The following GDPD5 variants were observed in gnomAD, a reference collection of about 807,000 sequenced individuals.
GDPD5 encodes the protein glycerophosphodiester phosphodiesterase domain containing 5, also known as glycerophosphodiester phosphodiesterase 2.
Under a neutral mutation model 75.1 loss-of-function variants are expected in GDPD5, and 48 were observed. The ratio of observed to expected loss-of-function variants is 0.64; its 90% CI spans 0.51 to 0.81. The LOEUF is 0.81. Ranked by LOEUF, GDPD5 falls within the 40% of genes least tolerant of loss-of-function variation. The pLI is 0.00. For synonymous variants in GDPD5, 336 were observed against 339.0 expected (o/e 0.99, Z 0.10); for missense variants, 706 against 822.6 (o/e 0.86, Z 1.73).
intron 6 of GDPD5, among the ~76,000 whole-genome samples, chr11:75,453,616 T>TAAAA (rs59758693): frequency 7.3e-6 from 1 of 136,926 alleles, no homozygotes; most frequent in African/African-American, 2.7e-5. Flanking sequence ...AGACTGTCTC[T>TAAAA]AAAAAAAAAA....
chr11:75,475,019 G>GCA (rs1311998998), intron 3 of GDPD5, among the ~76,000 whole-genome samples: 1 of 152,196 alleles, frequency 6.6e-6, no homozygotes, highest in Non-Finnish European at 1.5e-5. Flanking sequence ...TGTAAAATGG[G>GCA]CACACAATTA....
At chr11:75,440,480 C>T (rs893539459) in intron 14 of GDPD5, among the ~76,000 whole-genome samples, 21 of 152,224 alleles carry the variant, frequency 1.4e-4, no homozygotes, top group Admixed American at 1.2e-3. Flanking sequence ...AGTGGAGCCA[C>T]CACCTATCTG....
At chr11:75,451,655 C>CG (rs996942037) in intron 6 of GDPD5, 12 of 152,250 alleles carry the variant, frequency 7.9e-5, no homozygotes, top group African/African-American at 2.7e-4. Context: ...GCAGCTCCCC[C>CG]TTGTGGCCAT....
intron 9 of GDPD5, 44 bp from the exon 10 acceptor site, chr11:75,444,539 A>G: frequency 7.1e-7 from 1 of 1,415,868 alleles, no homozygotes; most frequent in South Asian, 1.1e-5. Context: ...GATTCAGCTG[A>G]TGTACCCTCC....
chr11:75,471,170 G>A (rs921441780), intron 3 of GDPD5, among the ~76,000 whole-genome samples: 11 of 152,228 alleles, frequency 7.2e-5, no homozygotes, highest in African/African-American at 1.9e-4. Flanking sequence ...ACTGATGCAC[G>A]GGAAAGCCTG....
At chr11:75,496,779 CTT>C (rs544914858) in intron 1 of GDPD5, among the ~76,000 whole-genome samples, 1 of 103,110 alleles carries the variant, frequency 9.7e-6, no homozygotes, top group Non-Finnish European at 1.8e-5. Flanking sequence ...TTCTTTCTTT[CTT>C]TTTTTTTTTT....
intron 1 of GDPD5, among the ~76,000 whole-genome samples, chr11:75,494,568 T>C (rs72989904): frequency 0.025 from 3,842 of 152,346 alleles, 79 homozygotes; most frequent in African/African-American, 0.044. Context: ...TCACTAATTA[T>C]ATTGTTATAA....
At chr11:75,462,745 G>A in intron 4 of GDPD5, 41 bp downstream of exon 4, 1 of 1,497,788 alleles carries the variant, frequency 6.7e-7, no homozygotes, top group Non-Finnish European at 9.2e-7. Context: ...TGGATACCCA[G>A]CTCTGGGCCC....
intron 3 of GDPD5, among the ~76,000 whole-genome samples, chr11:75,473,026 G>C (rs1949702625): frequency 6.6e-6 from 1 of 152,030 alleles, no homozygotes; most frequent in African/African-American, 2.4e-5. Flanking sequence ...TCCAAGCAGA[G>C]GGAATGGCAG....
intron 1 of GDPD5, among the ~76,000 whole-genome samples, chr11:75,512,869 A>G (rs1247638719): frequency 6.6e-6 from 1 of 152,226 alleles, no homozygotes; most frequent in Non-Finnish European, 1.5e-5. Context: ...CTGGGCAACA[A>G]GAGCGAAACT....
At chr11:75,446,491 AC>A (rs1948990776) in intron 9 of GDPD5, among the ~76,000 whole-genome samples, 2 of 152,312 alleles carry the variant, frequency 1.3e-5, no homozygotes, top group East Asian at 3.9e-4. Context: ...TGGGTGGGAC[AC>A]TATGGTTAAG....
In GDPD5 at chr11:75,525,395, A is replaced by C. The variant is rs1412417377; in HGVS notation, c.-330T>G. ...CCCTCACCGAGCGCACGACCCGGCC[A>C]GGGCTTCCCGGGCGCTCGCGCTGTT... On this transcript the variant is annotated 5_prime_UTR_variant, in exon 1 of 17. Coordinates refer to ENST00000336898, the MANE Select transcript of GDPD5 (RefSeq NM_030792.8). The C allele has an allele frequency of 6.6e-6, 1 of 152,208 alleles. No homozygotes were observed. The highest frequency in any genetic ancestry group is 6.5e-5 in the Admixed American group (1 of 15,290). The allele number at this position is 152,208 out of a possible 1,614,324, so 9.4% of individuals were successfully genotyped here.
At chr11:75,518,041 G>A (rs899156623) in intron 1 of GDPD5, among the ~76,000 whole-genome samples, 4 of 152,230 alleles carry the variant, frequency 2.6e-5, no homozygotes, top group African/African-American at 9.6e-5. Flanking sequence ...CCCGGGCTGG[G>A]TGTTGATCCC....
chr11:75,474,700 G>C (rs761570917), intron 3 of GDPD5, among the ~76,000 whole-genome samples: 7 of 152,106 alleles, frequency 4.6e-5, no homozygotes, highest in Non-Finnish European at 1.0e-4. Flanking sequence ...AGAGGAAGGG[G>C]CCCTTCCCAG....
intron 3 of GDPD5, among the ~76,000 whole-genome samples, chr11:75,471,548 C>T (rs1949664293): frequency 6.6e-6 from 1 of 152,180 alleles, no homozygotes; most frequent in Non-Finnish European, 1.5e-5. Flanking sequence ...GCATCAGCCC[C>T]TTGGGGAGAC....
chr11:75,504,034 G>C (rs1030021548), intron 1 of GDPD5, among the ~76,000 whole-genome samples: 2 of 152,196 alleles, frequency 1.3e-5, no homozygotes, highest in Non-Finnish European at 2.9e-5. Flanking sequence ...TTGACTGGCT[G>C]GGTGAACTTG....
intron 2 of GDPD5, among the ~76,000 whole-genome samples, chr11:75,480,282 C>T (rs369665674): frequency 6.6e-6 from 1 of 151,412 alleles, no homozygotes; most frequent in Admixed American, 6.6e-5. Context: ...TTGTCAAGAT[C>T]GCACCACTGC....
chr11:75,513,068 G>A (rs753108911), intron 1 of GDPD5, among the ~76,000 whole-genome samples: 15 of 152,182 alleles, frequency 9.9e-5, no homozygotes, highest in Non-Finnish European at 1.3e-4. Context: ...AGCATCACAC[G>A]TGGAGGGTTC....
intron 12 of GDPD5, 48 bp from the exon 13 acceptor site, chr11:75,441,851 G>T (rs371667677): frequency 6.5e-7 from 1 of 1,544,976 alleles, no homozygotes; most frequent in African/African-American, 1.4e-5. Flanking sequence ...TGCACGATGC[G>T]TAAGAGTACC....
Sources: gnomAD v4.1 joint callset for allele counts (sites outside exome capture counted in the v4.1 genomes callset) on GRCh38, gnomAD v4.1.1 for gene constraint, MANE v1.5 for transcripts, NCBI Gene and HGNC (gene_info 2026-07-23, HGNC 2026-07-21) for gene names.